CACNA2D3: variants seen among roughly 807,000 people sequenced by gnomAD.
The protein encoded by CACNA2D3 is calcium voltage-gated channel auxiliary subunit alpha2delta 3, also known as voltage-dependent calcium channel subunit alpha-2/delta-3.
CACNA2D3 carries 60 observed loss-of-function variants against 160.6 expected under a neutral mutation model. The ratio of observed to expected loss-of-function variants is 0.37; its 90% CI spans 0.30 to 0.46. The LOEUF is 0.46. Among genes scored for constraint, CACNA2D3 ranks in the 20% least tolerant of loss-of-function variants. The probability of loss-of-function intolerance (pLI) is 1.00; values close to 1 mark genes in which losing one functional copy is unlikely to be tolerated. For missense variants in CACNA2D3, 1,205 were observed against 1,365.0 expected (o/e 0.88, Z 1.85); for synonymous variants, 558 against 492.9 (o/e 1.13, Z -1.75).
chr3:54,833,059 A>T (rs142807978), intron 14 of CACNA2D3, among the ~76,000 whole-genome samples: 132 of 152,348 alleles, frequency 8.7e-4, no homozygotes, highest in Non-Finnish European at 1.7e-3. Flanking sequence ...ATGCATATTC[A>T]TATGAGCCTA....
At chr3:55,039,811 A>C (rs6776948) in intron 35 of CACNA2D3, among the ~76,000 whole-genome samples, 3 of 152,114 alleles carry the variant, frequency 2.0e-5, no homozygotes, top group African/African-American at 7.2e-5. Context: ...AAGTCTTTTT[A>C]GGAGTCAAAC....
intron 4 of CACNA2D3, among the ~76,000 whole-genome samples, chr3:54,478,680 T>TGCTATATATATATATATATATA (rs1700881658): frequency 4.8e-4 from 2 of 4,162 alleles, no homozygotes; most frequent in African/African-American, 5.8e-4. Flanking sequence ...ATATATATAT[T>TGCTATATATATATATATATATA]GCTTGTCATT....
chr3:54,746,044 G>T (rs1701747969), intron 11 of CACNA2D3, among the ~76,000 whole-genome samples: 1 of 152,088 alleles, frequency 6.6e-6, no homozygotes, highest in Admixed American at 6.6e-5. Flanking sequence ...TCTGGATAAG[G>T]ATGTTTCTTC....
chr3:54,391,930 A>G (rs1699289441), intron 4 of CACNA2D3, among the ~76,000 whole-genome samples: 1 of 151,968 alleles, frequency 6.6e-6, no homozygotes, highest in African/African-American at 2.4e-5. Flanking sequence ...ATTCCCTGAT[A>G]TCTTCATTGG....
chr3:54,877,961 A>G (rs1424588820), intron 18 of CACNA2D3, among the ~76,000 whole-genome samples: 1 of 152,218 alleles, frequency 6.6e-6, no homozygotes, highest in African/African-American at 2.4e-5. Context: ...ATGGGAAAAT[A>G]TTTCCAGAAA....
chr3:54,994,602 A>C (rs1238418360), intron 31 of CACNA2D3, among the ~76,000 whole-genome samples: 2 of 152,174 alleles, frequency 1.3e-5, no homozygotes, highest in Non-Finnish European at 2.9e-5. Flanking sequence ...CCTCATCTTC[A>C]TCATCATGCA....
chr3:54,203,645 C>T (rs1701216255), intron 2 of CACNA2D3, among the ~76,000 whole-genome samples: 1 of 152,134 alleles, frequency 6.6e-6, no homozygotes, highest in Non-Finnish European at 1.5e-5. Flanking sequence ...GGAGTTGGGC[C>T]ACTGTGTGGC....
intron 2 of CACNA2D3, among the ~76,000 whole-genome samples, chr3:54,135,365 T>C (rs571303321): frequency 3.5e-4 from 53 of 152,274 alleles, no homozygotes; most frequent in African/African-American, 1.2e-3. Flanking sequence ...CAGGAGGAAA[T>C]CTTTAAGAGT....
chr3:55,017,825 A>G (rs1447071936), intron 34 of CACNA2D3, among the ~76,000 whole-genome samples: 2 of 152,222 alleles, frequency 1.3e-5, no homozygotes, highest in Admixed American at 6.5e-5. Context: ...CAATTGTATC[A>G]TGACCTTTGT....
At chr3:54,595,321 T>TGTGG (rs373756731) in intron 9 of CACNA2D3, among the ~76,000 whole-genome samples, 4,423 of 131,728 alleles carry the variant, frequency 0.034, 129 homozygotes, top group African/African-American at 0.089. Flanking sequence ...GTGGTGTGTG[T>TGTGG]GTGTGTGTGT....
chr3:54,775,362 C>T (rs1284683044), intron 13 of CACNA2D3, among the ~76,000 whole-genome samples: 1 of 152,124 alleles, frequency 6.6e-6, no homozygotes, highest in Non-Finnish European at 1.5e-5. Flanking sequence ...TCTTTGTGGA[C>T]CCTTTCATAT....
intron 27 of CACNA2D3, among the ~76,000 whole-genome samples, chr3:54,921,935 C>T (rs1700864150): frequency 6.7e-6 from 1 of 148,884 alleles, no homozygotes; most frequent in African/African-American, 2.4e-5. Flanking sequence ...AAGATCTTGA[C>T]TCATATCTGT....
intron 10 of CACNA2D3, among the ~76,000 whole-genome samples, chr3:54,634,894 C>T (rs1433608763): frequency 1.1e-3 from 174 of 152,052 alleles, no homozygotes; most frequent in African/African-American, 4.0e-3. Flanking sequence ...ATGCAGGTCA[C>T]AGGGGATGCA....
chr3:54,941,249 T>C (rs923243986), intron 27 of CACNA2D3, among the ~76,000 whole-genome samples: 2 of 152,232 alleles, frequency 1.3e-5, no homozygotes, highest in African/African-American at 4.8e-5. Context: ...CAGGGGCATA[T>C]AGTGTTTCCA....
At chr3:54,678,859 C>T (rs1321629977) in intron 11 of CACNA2D3, among the ~76,000 whole-genome samples, 3 of 150,892 alleles carry the variant, frequency 2.0e-5, no homozygotes, top group East Asian at 2.0e-4. Flanking sequence ...AAAACACTGG[C>T]GTTATGATTA....
At chr3:54,600,856 C>T (rs1190400365) in intron 9 of CACNA2D3, among the ~76,000 whole-genome samples, 1 of 151,862 alleles carries the variant, frequency 6.6e-6, no homozygotes, top group African/African-American at 2.4e-5. Context: ...CTTCTGGAGC[C>T]ATCCCTGTCA....
chr3:54,460,802 C>A (rs1285221492), intron 4 of CACNA2D3, among the ~76,000 whole-genome samples: 3 of 152,128 alleles, frequency 2.0e-5, no homozygotes, highest in Non-Finnish European at 2.9e-5. Context: ...GCCAGAACTT[C>A]CAACACTATG....
chr3:54,347,244 G>A (rs775651007), intron 3 of CACNA2D3, among the ~76,000 whole-genome samples: 6 of 152,216 alleles, frequency 3.9e-5, no homozygotes, highest in Non-Finnish European at 7.3e-5. Context: ...CAGGGAGGGA[G>A]TGGCTCAGGC....
At chr3:54,580,727 A>G (rs1280068148) in intron 8 of CACNA2D3, among the ~76,000 whole-genome samples, 1 of 152,202 alleles carries the variant, frequency 6.6e-6, no homozygotes, top group Non-Finnish European at 1.5e-5. Flanking sequence ...GAATCCGGCC[A>G]ACAGATAATT....
Sources: allele counts gnomAD v4.1 joint callset (sites outside exome capture counted in the v4.1 genomes callset), GRCh38; gene constraint gnomAD v4.1.1; transcripts MANE v1.5; gene names NCBI Gene and HGNC (gene_info 2026-07-23, HGNC 2026-07-21).